Variants in SAMTOR observed in about 807,000 individuals in gnomAD.
SAMTOR encodes UPF0532 protein C7orf60.
chr7:112,833,873 A>T, the SAMTOR span, among the ~76,000 whole-genome samples: 2 of 152,120 alleles, frequency 1.3e-5, no homozygotes, highest in African/African-American at 4.8e-5. Context: ...TGTAATTACC[A>T]CTCAGGTCAA....
the SAMTOR span, among the ~76,000 whole-genome samples, chr7:112,882,248 T>C: frequency 6.6e-6 from 1 of 152,208 alleles, no homozygotes; most frequent in Non-Finnish European, 1.5e-5. Flanking sequence ...GCATGGGATC[T>C]GGGCTGGTAG....
chr7:112,922,311 T>G, the SAMTOR span, among the ~76,000 whole-genome samples: 1 of 152,094 alleles, frequency 6.6e-6, no homozygotes, highest in Non-Finnish European at 1.5e-5. Flanking sequence ...TGCTACAACC[T>G]CCACCTCCCA....
the SAMTOR span, among the ~76,000 whole-genome samples, chr7:112,919,334 G>C: frequency 2.6e-5 from 4 of 151,768 alleles, no homozygotes; most frequent in Non-Finnish European, 4.4e-5. Context: ...TGAACAACCT[G>C]CTCCTGAATG....
At chr7:112,921,129 G>T in the SAMTOR span, among the ~76,000 whole-genome samples, 2 of 152,044 alleles carry the variant, frequency 1.3e-5, no homozygotes. Context: ...AAAAGAGCCC[G>T]CATCACCAAG....
At chr7:112,910,703 T>C in the SAMTOR span, among the ~76,000 whole-genome samples, 6 of 152,130 alleles carry the variant, frequency 3.9e-5, no homozygotes, top group South Asian at 2.1e-4. Flanking sequence ...CTTCATCTAA[T>C]AGATATTTTT....
the SAMTOR span, among the ~76,000 whole-genome samples, chr7:112,927,828 TCAAA>T: frequency 3.3e-5 from 5 of 152,062 alleles, no homozygotes; most frequent in African/African-American, 4.8e-5. Context: ...TTTAAATTTT[TCAAA>T]CACCCATTTT....
chr7:112,845,459 T>C, the SAMTOR span, among the ~76,000 whole-genome samples: 2 of 152,160 alleles, frequency 1.3e-5, no homozygotes, highest in East Asian at 3.9e-4. Context: ...ACAGAATACA[T>C]ACACGTGGCC....
At chr7:112,907,326 T>A in the SAMTOR span, among the ~76,000 whole-genome samples, 2 of 152,102 alleles carry the variant, frequency 1.3e-5, no homozygotes, top group African/African-American at 4.8e-5. Flanking sequence ...AAGACCAAAT[T>A]TGACTTTTAA....
chr7:112,898,213 A>G, the SAMTOR span, among the ~76,000 whole-genome samples: 1 of 152,164 alleles, frequency 6.6e-6, no homozygotes, highest in Non-Finnish European at 1.5e-5. Flanking sequence ...TGGGCTCCCA[A>G]TAAATGTCAG....
the SAMTOR span, among the ~76,000 whole-genome samples, chr7:112,855,707 A>C: frequency 6.6e-6 from 1 of 152,182 alleles, no homozygotes; most frequent in African/African-American, 2.4e-5. Flanking sequence ...TCTTCTGCTA[A>C]ATCTGAAGAA....
the SAMTOR span, among the ~76,000 whole-genome samples, chr7:112,882,252 C>G: frequency 1.1e-4 from 17 of 152,208 alleles, no homozygotes; most frequent in African/African-American, 4.1e-4. Context: ...GGGATCTGGG[C>G]TGGTAGCACA....
the SAMTOR span, among the ~76,000 whole-genome samples, chr7:112,888,806 A>G: frequency 6.6e-6 from 1 of 152,174 alleles, no homozygotes; most frequent in Non-Finnish European, 1.5e-5. Flanking sequence ...ATCTTCCTAT[A>G]TAATATCTGT....
the SAMTOR span, among the ~76,000 whole-genome samples, chr7:112,832,377 TAAAG>T: frequency 6.6e-6 from 1 of 152,136 alleles, no homozygotes; most frequent in Admixed American, 6.6e-5. Flanking sequence ...ATTTAGATGA[TAAAG>T]AAAATAAAGA....
chr7:112,906,946 T>C, the SAMTOR span, among the ~76,000 whole-genome samples: 3 of 152,188 alleles, frequency 2.0e-5, no homozygotes, highest in Admixed American at 6.5e-5. Context: ...AAAATTAATG[T>C]AATCTCAATA....
At chr7:112,821,583 A>C in the SAMTOR span, 1 of 601,938 alleles carries the variant, frequency 1.7e-6, no homozygotes, top group Non-Finnish European at 2.7e-6. Context: ...TATAAGAATA[A>C]ATTTTAAAAT....
chr7:112,912,688 AAAAT>A, the SAMTOR span, among the ~76,000 whole-genome samples: 11 of 152,100 alleles, frequency 7.2e-5, no homozygotes, highest in Admixed American at 6.6e-5. Context: ...AGTAAAAAAA[AAAAT>A]AAAGAAATTT....
the SAMTOR span, among the ~76,000 whole-genome samples, chr7:112,904,063 A>G: frequency 2.6e-5 from 4 of 152,194 alleles, no homozygotes; most frequent in African/African-American, 9.6e-5. Flanking sequence ...CACTTATCAT[A>G]GCAGCCATCT....
the SAMTOR span, among the ~76,000 whole-genome samples, chr7:112,883,323 C>A: frequency 3.3e-5 from 5 of 152,268 alleles, no homozygotes; most frequent in East Asian, 9.6e-4. Context: ...TTGTCTGTCT[C>A]TTCCATTCTT....
chr7:112,848,909 C>T, the SAMTOR span, among the ~76,000 whole-genome samples: 2 of 152,160 alleles, frequency 1.3e-5, no homozygotes, highest in African/African-American at 4.8e-5. Flanking sequence ...ATTAGCTGGG[C>T]GTGGTGGTAC....
Sources: gnomAD v4.1 joint callset for allele counts (sites outside exome capture counted in the v4.1 genomes callset) on GRCh38, gnomAD v4.1.1 for gene constraint, MANE v1.5 for transcripts, NCBI Gene and HGNC (gene_info 2026-07-23, HGNC 2026-07-21) for gene names.